Variants in EYS observed in about 807,000 individuals in gnomAD.
The protein encoded by EYS is EGF-like photoreceptor maintenance factor.
A neutral mutation model predicts 282.1 loss-of-function variants in EYS; 250 were observed. The ratio of observed to expected loss-of-function variants is 0.89; its 90% CI spans 0.80 to 0.98. EYS has a LOEUF of 0.98. Ranked by LOEUF, EYS falls within the 50% of genes least tolerant of loss-of-function variation. The probability of loss-of-function intolerance (pLI) is 0.00; values close to 1 mark genes in which losing one functional copy is unlikely to be tolerated. For missense variants in EYS, 4,016 were observed against 3,709.0 expected (o/e 1.08, Z -2.15); for synonymous variants, 1,355 against 1,282.9 (o/e 1.06, Z -1.20).
chr6:65,645,230 T>C (rs913255211), intron 1 of EYS, among the ~76,000 whole-genome samples: 1 of 152,142 alleles, frequency 6.6e-6, no homozygotes, highest in Non-Finnish European at 1.5e-5. Context: ...CTGCAGGATA[T>C]ACATTCTGTT....
intron 4 of EYS, among the ~76,000 whole-genome samples, 157 bp downstream of exon 4, chr6:65,494,506 C>T (rs1766162709): frequency 6.6e-6 from 1 of 151,980 alleles, no homozygotes; most frequent in Non-Finnish European, 1.5e-5. Flanking sequence ...TGGTCTCGCT[C>T]TCCTGACCTC....
chr6:65,445,783 A>T (rs2150397737), intron 5 of EYS, among the ~76,000 whole-genome samples: 1 of 151,896 alleles, frequency 6.6e-6, no homozygotes, highest in Admixed American at 6.6e-5. Context: ...GTTCTACTTT[A>T]TTGATGTTCT....
At position 65,334,968 on chromosome 6, in the gene EYS, A is replaced by T; in HGVS notation, c.1766+12T>A. The T allele has an allele frequency of 6.2e-7, 1 of 1,602,150 alleles. No individual in the cohort carries two copies. Among genetic ancestry groups the T allele is most frequent in the South Asian group, 1.1e-5 (1 of 90,886 alleles). On this transcript the variant is annotated intron_variant, in intron 11 of 42. Transcript: ENST00000503581. ...ATATGTGATATTATCTGCTCAAATG[A>T]TACATAAATACCTGGGTCTATTAAT...
chr6:64,224,898 T>C (rs1378375032), intron 31 of EYS, among the ~76,000 whole-genome samples: 1 of 152,090 alleles, frequency 6.6e-6, no homozygotes, highest in African/African-American at 2.4e-5. Context: ...GATTGTATTG[T>C]CTAGTTACTA....
chr6:64,430,105 G>T (rs1774530336), intron 28 of EYS, among the ~76,000 whole-genome samples: 1 of 152,158 alleles, frequency 6.6e-6, no homozygotes, highest in Non-Finnish European at 1.5e-5. Context: ...CACATGTCCT[G>T]TTCTTGGTTT....
intron 12 of EYS, among the ~76,000 whole-genome samples, chr6:65,274,699 T>C (rs976981569): frequency 6.6e-6 from 1 of 152,152 alleles, no homozygotes; most frequent in African/African-American, 2.4e-5. Flanking sequence ...ACTGATAACA[T>C]TATGTTAATT....
intron 29 of EYS, among the ~76,000 whole-genome samples, chr6:64,357,297 A>T (rs911580353): frequency 6.8e-6 from 1 of 147,206 alleles, no homozygotes; most frequent in Admixed American, 6.9e-5. Flanking sequence ...AGTAAACAAT[A>T]ACAACAACTG....
Position 64,024,517 on chromosome 6 carries a change from G to A in EYS, c.6726-25334C>T, listed in dbSNP as rs572245674. On this transcript the variant is annotated intron_variant, in intron 33 of 42. Transcript: ENST00000503581. ...ATAAGGGAATAAAAGCAGGCTTCCC[G>A]AGCAAGCAGTGGCAACCTGTTTGGG... 2.1e-4 allele frequency among the ~76,000 whole-genome samples: 32 copies of A among 152,194 alleles called. No homozygotes were observed. The East Asian group carries it at 3.3e-3, about 16-fold the overall frequency.
chr6:64,047,697 C>T (rs1193618154), intron 33 of EYS, among the ~76,000 whole-genome samples: 1 of 152,124 alleles, frequency 6.6e-6, no homozygotes, highest in African/African-American at 2.4e-5. Flanking sequence ...TTGGTCCTTG[C>T]ACAATTCTGT....
chr6:63,826,204 G>A (rs914261383), intron 36 of EYS, among the ~76,000 whole-genome samples: 5 of 152,106 alleles, frequency 3.3e-5, no homozygotes, highest in African/African-American at 1.2e-4. Context: ...CAAAAAATAA[G>A]AAAATATGAA....
At chr6:64,723,534 C>T (rs1173129375) in intron 22 of EYS, among the ~76,000 whole-genome samples, 1 of 152,116 alleles carries the variant, frequency 6.6e-6, no homozygotes, top group Admixed American at 6.5e-5. Context: ...AATCTTACGC[C>T]CACTCTCTTC....
intron 1 of EYS, among the ~76,000 whole-genome samples, chr6:65,646,616 G>A (rs1287662995): frequency 2.6e-5 from 4 of 152,116 alleles, no homozygotes; most frequent in East Asian, 1.9e-4. Context: ...ACCAGAACAC[G>A]ACTAGCATGC....
At chr6:65,517,059 T>C (rs1182270610) in intron 2 of EYS, among the ~76,000 whole-genome samples, 1 of 151,986 alleles carries the variant, frequency 6.6e-6, no homozygotes, top group African/African-American at 2.4e-5. Context: ...AACTTATTTA[T>C]CCATTTGCAA....
chr6:64,076,082 G>T (rs1582234049), intron 32 of EYS, among the ~76,000 whole-genome samples: 1 of 151,942 alleles, frequency 6.6e-6, no homozygotes, highest in South Asian at 2.1e-4. Flanking sequence ...TATTTCTGAG[G>T]GTTATAGAAA....
intron 33 of EYS, among the ~76,000 whole-genome samples, chr6:64,021,180 A>G (rs773697405): frequency 7.9e-5 from 12 of 151,004 alleles, no homozygotes; most frequent in African/African-American, 1.2e-4. Flanking sequence ...CCTTTTCTTT[A>G]TTGCTTAGTA....
chr6:64,657,359 G>T (rs1320213706), intron 22 of EYS, among the ~76,000 whole-genome samples: 3 of 152,018 alleles, frequency 2.0e-5, no homozygotes, highest in Non-Finnish European at 2.9e-5. Flanking sequence ...TTTACATTTA[G>T]GCTTAATATT....
chr6:64,101,071 C>A (rs1434250296), intron 31 of EYS, among the ~76,000 whole-genome samples: 2 of 152,138 alleles, frequency 1.3e-5, no homozygotes, highest in African/African-American at 4.8e-5. Context: ...GTCTGTCATG[C>A]TTTTAAAAAC....
At chr6:63,975,609 T>C (rs1436665718) in intron 35 of EYS, among the ~76,000 whole-genome samples, 2 of 152,070 alleles carry the variant, frequency 1.3e-5, no homozygotes, top group Non-Finnish European at 2.9e-5. Flanking sequence ...CTTTTCTTGT[T>C]AAACATTAAG....
At chr6:64,889,658 A>C (rs1767216958) in intron 18 of EYS, among the ~76,000 whole-genome samples, 1 of 152,036 alleles carries the variant, frequency 6.6e-6, no homozygotes, top group Non-Finnish European at 1.5e-5. Flanking sequence ...TAAATTGTGA[A>C]GATTTCATGG....
Sources: allele counts gnomAD v4.1 joint callset (sites outside exome capture counted in the v4.1 genomes callset), GRCh38; gene constraint gnomAD v4.1.1; transcripts MANE v1.5; gene names NCBI Gene and HGNC (gene_info 2026-07-23, HGNC 2026-07-21).